Variants in JAK2 observed in about 807,000 individuals in gnomAD.
JAK2 encodes the protein tyrosine-protein kinase JAK2.
JAK2 carries 86 observed loss-of-function variants against 139.3 expected under a neutral mutation model. The ratio of observed to expected loss-of-function variants is 0.62; its 90% confidence interval spans 0.52 to 0.74. The LOEUF is 0.74. Ranked by LOEUF, JAK2 falls within the 30% of genes least tolerant of loss-of-function variation. JAK2 has a pLI of 0.00. For synonymous variants in JAK2, 490 were observed against 437.7 expected (o/e 1.12, Z -1.49); for missense variants, 1,421 against 1,360.3 (o/e 1.04, Z -0.70).
chr9:5,069,882 T>A, intron 11 of JAK2, 43 bp from the exon 12 acceptor site: 4 of 1,339,578 alleles, frequency 3.0e-6, no homozygotes, highest in Non-Finnish European at 4.1e-6. Flanking sequence ...ATTCATACTT[T>A]CAGTGTATTT....
At chr9:5,012,982 GA>G (rs201401450) in intron 2 of JAK2, among the ~76,000 whole-genome samples, 1 of 151,590 alleles carries the variant, frequency 6.6e-6, no homozygotes, top group Non-Finnish European at 1.5e-5. Flanking sequence ...GGTAGTTGTG[GA>G]AAAAAAAGCC....
chr9:5,041,624 C>A, intron 4 of JAK2: 1 of 499,540 alleles, frequency 2.0e-6, no homozygotes. Flanking sequence ...ACATGCGGCG[C>A]CTGGACTTTG....
At chr9:5,060,334 G>A (rs1571437) in intron 8 of JAK2, among the ~76,000 whole-genome samples, 6 of 152,078 alleles carry the variant, frequency 3.9e-5, no homozygotes, top group African/African-American at 9.7e-5. Flanking sequence ...TCTTCATTTC[G>A]TTAAAGTTGT....
At chr9:5,100,022 T>G (rs1821346186) in intron 22 of JAK2, 1 of 152,244 alleles carries the variant, frequency 6.6e-6, no homozygotes, top group African/African-American at 2.4e-5. Flanking sequence ...CCAATAGCAT[T>G]AGCTGTGCAA....
At chr9:5,091,624 A>C (rs1195010684) in intron 22 of JAK2, 1 of 152,072 alleles carries the variant, frequency 6.6e-6, no homozygotes, top group Non-Finnish European at 1.5e-5. Flanking sequence ...TTAATAGTAG[A>C]GTTTAGGCCT....
intron 4 of JAK2, among the ~76,000 whole-genome samples, chr9:5,035,406 C>G (rs1823505216): frequency 6.6e-6 from 1 of 152,110 alleles, no homozygotes; most frequent in Non-Finnish European, 1.5e-5. Flanking sequence ...ATCCTGATAC[C>G]AAAGCCTGGC....
intron 19 of JAK2, among the ~76,000 whole-genome samples, chr9:5,082,958 A>G (rs1819816091): frequency 6.6e-6 from 1 of 152,244 alleles, no homozygotes; most frequent in Non-Finnish European, 1.5e-5. Flanking sequence ...CCTTTTCTAC[A>G]TAGACACAGT....
chr9:5,113,694 A>T, intron 22 of JAK2: 1 of 165,696 alleles, frequency 6.0e-6, no homozygotes. Context: ...GGCTCCCTCA[A>T]CAGGAGCGCT....
intron 2 of JAK2, among the ~76,000 whole-genome samples, chr9:5,014,032 G>A (rs797007084): frequency 1.3e-5 from 2 of 152,050 alleles, no homozygotes; most frequent in African/African-American, 2.4e-5. Context: ...GAAAAGTTGT[G>A]TCTCTTAGAA....
At position 5,129,276 on chromosome 9, in the gene JAK2, T is replaced by C. The variant is rs1824193908; in HGVS notation, c.*2485T>C. 6.6e-6 allele frequency among the ~76,000 whole-genome samples: 1 copy of C among 152,090 alleles called. No individual in the cohort carries two copies. Among genetic ancestry groups the C allele is most frequent in the Non-Finnish European group, 1.5e-5 (1 of 67,944 alleles). On this transcript the variant is annotated 3_prime_UTR_variant, in exon 25 of 25. Coordinates refer to ENST00000381652, the MANE Select transcript of JAK2 (RefSeq NM_004972.4). ...CTCCCCCTAAATTGAAATAGTGATG[T>C]AGTAAATATTCAGAAGCGATTTTCT...
intron 10 of JAK2, 107 bp from the exon 11 acceptor site, chr9:5,068,915 C>A: frequency 1.5e-6 from 1 of 654,830 alleles, no homozygotes. Context: ...ATTCATGGTT[C>A]AAATGTTTAT....
At chr9:5,072,151 G>T (rs1405583850) in intron 12 of JAK2, among the ~76,000 whole-genome samples, 1 of 152,194 alleles carries the variant, frequency 6.6e-6, no homozygotes. Context: ...ATTCTCTAGT[G>T]TGCTAGTAGG....
At chr9:4,991,620 T>G (rs1221656539) in intron 2 of JAK2, among the ~76,000 whole-genome samples, 1 of 152,078 alleles carries the variant, frequency 6.6e-6, no homozygotes, top group Non-Finnish European at 1.5e-5. Context: ...CATGGTAAAA[T>G]GTGTATAAAG....
At chr9:5,072,407 A>T in intron 12 of JAK2, 85 bp from the exon 13 acceptor site, 7 of 978,516 alleles carry the variant, frequency 7.2e-6, no homozygotes, top group Non-Finnish European at 1.0e-5. Flanking sequence ...ATTTAAAAAA[A>T]TTCTTCCTCA....
intron 3 of JAK2, 103 bp from the exon 4 acceptor site, chr9:5,029,680 G>T (rs912119714): frequency 9.5e-7 from 1 of 1,047,556 alleles, no homozygotes; most frequent in Non-Finnish European, 1.4e-6. Flanking sequence ...ATTTTGTTCC[G>T]ATTTTAAGAG....
chr9:5,109,594 A>C (rs1822267685), intron 22 of JAK2: 1 of 152,182 alleles, frequency 6.6e-6, no homozygotes, highest in South Asian at 2.1e-4. Flanking sequence ...TACCCAAATT[A>C]CATAAAAATA....
intron 2 of JAK2, among the ~76,000 whole-genome samples, chr9:4,991,099 T>G (rs954309777): frequency 5.3e-5 from 8 of 152,212 alleles, no homozygotes; most frequent in Admixed American, 3.9e-4. Context: ...AATAAAGTGA[T>G]AAAATATTTG....
chr9:5,088,015 G>C (rs764318719), intron 19 of JAK2, among the ~76,000 whole-genome samples: 5 of 152,174 alleles, frequency 3.3e-5, no homozygotes, highest in Non-Finnish European at 5.9e-5. Context: ...GTTAAGTAGA[G>C]GGGAAGAAGA....
Position 5,066,803 on chromosome 9 carries a change from A to T in JAK2, c.1326+14A>T, listed in dbSNP as rs1818605712. ...TTTGCTGTCGAGGTTAGTATGTCAC[A>T]CTTATTAGTGGTAACACTTTATTTA... is the stretch of plus-strand genomic sequence containing the variant. On this transcript the variant is annotated intron_variant, in intron 10 of 24. Coordinates refer to ENST00000381652, the MANE Select transcript of JAK2 (RefSeq NM_004972.4). The T allele has an allele frequency of 2.5e-6, 3 of 1,199,802 alleles. No individual in the cohort carries two copies. The highest frequency in any genetic ancestry group is 2.3e-5 in the Admixed American group (1 of 43,654). The allele number at this position is 1,199,802 out of a possible 1,614,324, so 74.3% of individuals were successfully genotyped here.
Sources: gnomAD v4.1 joint callset for allele counts (sites outside exome capture counted in the v4.1 genomes callset) on GRCh38, gnomAD v4.1.1 for gene constraint, MANE v1.5 for transcripts, NCBI Gene and HGNC (gene_info 2026-07-23, HGNC 2026-07-21) for gene names.